The following TRPC5 variants were observed in gnomAD, a reference collection of about 807,000 sequenced individuals.
The protein encoded by TRPC5 is short transient receptor potential channel 5.
A neutral mutation model predicts 56.5 loss-of-function variants in TRPC5; 9 were observed. The observed-to-expected ratio is 0.16, with a 90% CI of 0.10 to 0.28. The LOEUF (loss-of-function observed/expected upper bound fraction) is 0.28. Ranked by LOEUF, TRPC5 falls within the 10% of genes least tolerant of loss-of-function variation. TRPC5 has a pLI of 1.00. For synonymous variants in TRPC5, 282 were observed against 278.5 expected, an observed-to-expected ratio of 1.01 and a Z score of -0.13; for missense variants, 469 against 748.9, an observed-to-expected ratio of 0.63 and a Z score of 4.36.
intron 3 of TRPC5, among the ~76,000 whole-genome samples, chrX:111,877,499 A>C (rs12688427): frequency 4.5e-5 from 5 of 110,711 alleles, no homozygotes; most frequent in Non-Finnish European, 9.4e-5. Context: ...CAAGTTTAGG[A>C]TATGTTGGAT....
At chrX:112,073,678 ATGACTCCAAGCCTCACAC>A (rs1182060069) in intron 1 of TRPC5, among the ~76,000 whole-genome samples, 5 of 111,886 alleles carry the variant, frequency 4.5e-5, no homozygotes, top group African/African-American at 1.6e-4. Flanking sequence ...TCATTTTCAA[ATGACTCCAAGCCTCACAC>A]TGACTCCAAG....
intron 3 of TRPC5, chrX:111,902,211 G>A: frequency 1.0e-6 from 1 of 991,042 alleles, no homozygotes; most frequent in Middle Eastern, 2.6e-4. Context: ...CCCGTCCCCA[G>A]GGATGTGAAA....
intron 1 of TRPC5, among the ~76,000 whole-genome samples, chrX:111,961,554 G>C (rs1286625867): frequency 8.9e-6 from 1 of 111,907 alleles, no homozygotes; most frequent in Admixed American, 9.5e-5. Flanking sequence ...GTTTCATTCG[G>C]TCATGTCAGG....
intron 3 of TRPC5, among the ~76,000 whole-genome samples, chrX:111,873,288 G>C (rs1334840714): frequency 9.0e-6 from 1 of 111,600 alleles, no homozygotes; most frequent in East Asian, 2.8e-4. Flanking sequence ...TTATGAGTGG[G>C]AGCTAAACAT....
intron 7 of TRPC5, among the ~76,000 whole-genome samples, chrX:111,829,817 C>T (rs981663990): frequency 5.3e-5 from 6 of 113,300 alleles, no homozygotes; most frequent in Non-Finnish European, 9.4e-5. Flanking sequence ...GCAGAGCCCT[C>T]ATGGAGATCC....
intron 1 of TRPC5, among the ~76,000 whole-genome samples, chrX:112,073,707 C>CT (rs1930769010): frequency 8.9e-6 from 1 of 112,182 alleles, no homozygotes; most frequent in South Asian, 3.7e-4. Flanking sequence ...TGACTCCAAG[C>CT]TTCATTTTCA....
chrX:111,891,083 T>G (rs1380993362), intron 3 of TRPC5, among the ~76,000 whole-genome samples: 1 of 112,540 alleles, frequency 8.9e-6, no homozygotes, highest in Non-Finnish European at 1.9e-5. Flanking sequence ...CCATGGTGTA[T>G]GTGTACCACA....
rs1051377494 is a variant in TRPC5, at chrX:111,937,042, GGT to G, written c.378+14999_378+15000del. On this transcript the variant is annotated intron_variant, in intron 2 of 10. Coordinates refer to ENST00000262839, the MANE Select transcript of TRPC5 (RefSeq NM_012471.3). The stretch of plus-strand genomic sequence containing the variant: ...CTTTTTAATGATTGCCATTCTAACT[GGT>G]GTGAGGTGGTATCTCATTGTGGTTT... 1.1e-4 allele frequency among the ~76,000 whole-genome samples: 12 copies of G among 105,844 alleles called. 1 individual carries two copies. Among genetic ancestry groups the G allele is most frequent in the Non-Finnish European group, 1.9e-4 (10 of 51,443 alleles). 91.9% of individuals were successfully genotyped at this position (105,844 alleles called of 115,157 possible). A position where few individuals can be genotyped will look rare whatever the true frequency, so the allele number is the denominator to read the frequency against.
chrX:112,052,483 T>G (rs1018855426), intron 1 of TRPC5, among the ~76,000 whole-genome samples: 3 of 111,609 alleles, frequency 2.7e-5, no homozygotes, highest in African/African-American at 9.8e-5. Context: ...TTGGGGAATA[T>G]TTTGTTGTTG....
chrX:111,821,235 T>G (rs903430895), intron 7 of TRPC5, among the ~76,000 whole-genome samples: 2 of 111,775 alleles, frequency 1.8e-5, no homozygotes, highest in African/African-American at 6.5e-5. Flanking sequence ...CACAATTTTA[T>G]GGGCCCAGGA....
rs761079346 is a variant in TRPC5, at chrX:111,952,448, G to A, written c.-21-7C>T. 45 of 1,172,097 alleles carry A rather than the reference G, an allele frequency of 3.8e-5. No individual in the cohort carries two copies. The Middle Eastern group carries it at 9.6e-4, about 25-fold the overall frequency. On this transcript the variant is annotated splice_polypyrimidine_tract_variant and splice_region_variant and intron_variant, in intron 1 of 10. Coordinates refer to ENST00000262839, the MANE Select transcript of TRPC5 (RefSeq NM_012471.3). ...TTCATAGCAATGCAGAAATCTGAGT[G>A]AGGAAACAGAGAAAGACCAAAATAT...
At chrX:111,946,680 G>T (rs1926941653) in intron 2 of TRPC5, among the ~76,000 whole-genome samples, 1 of 112,374 alleles carries the variant, frequency 8.9e-6, no homozygotes, top group Non-Finnish European at 1.9e-5. Flanking sequence ...ACTCTTTCAT[G>T]TTCCTCAGCA....
chrX:111,804,460 G>C (rs1440018934), intron 7 of TRPC5, among the ~76,000 whole-genome samples: 4 of 111,690 alleles, frequency 3.6e-5, no homozygotes, highest in Non-Finnish European at 5.6e-5. Flanking sequence ...CCATTTTCAT[G>C]ATATTGATTC....
At position 111,775,576 on chromosome X, in the gene TRPC5, A is replaced by G. The variant is rs181266592; in HGVS notation, c.*737T>C. The G allele has an allele frequency of 9.0e-6, 1 of 111,400 alleles. No homozygotes were observed. The highest frequency in any genetic ancestry group is 2.8e-4 in the East Asian group (1 of 3,574). 9.2% of individuals were successfully genotyped at this position (111,400 alleles called of 1,213,427 possible). ...TTTCAAATGTAGTAAGTTAACTGAA[A>G]CACACAAACAGAAAAATAATTCGCC... On this transcript the variant is annotated 3_prime_UTR_variant, in exon 11 of 11. Coordinates refer to ENST00000262839, the MANE Select transcript of TRPC5 (RefSeq NM_012471.3).
At chrX:112,054,403 G>A (rs1016611740) in intron 1 of TRPC5, among the ~76,000 whole-genome samples, 7 of 111,159 alleles carry the variant, frequency 6.3e-5, no homozygotes, top group African/African-American at 2.0e-4. Flanking sequence ...TTGCAGTTAG[G>A]GTGCTGGAGG....
intron 7 of TRPC5, among the ~76,000 whole-genome samples, chrX:111,793,702 A>G (rs1268931646): frequency 8.9e-6 from 1 of 112,013 alleles, no homozygotes; most frequent in Non-Finnish European, 1.9e-5. Flanking sequence ...ACTCCTAGGT[A>G]TATACCCAAG....
At chrX:111,865,980 G>A (rs373539485) in intron 3 of TRPC5, among the ~76,000 whole-genome samples, 5 of 112,827 alleles carry the variant, frequency 4.4e-5, no homozygotes, top group Non-Finnish European at 9.4e-5. Context: ...TCACAGCAAC[G>A]CTAATGGCAG....
chrX:112,047,351 A>T (rs1021768045), intron 1 of TRPC5, among the ~76,000 whole-genome samples: 3 of 111,481 alleles, frequency 2.7e-5, no homozygotes, highest in African/African-American at 9.8e-5. Flanking sequence ...GTTAGGACAG[A>T]TTGTTAGGCC....
intron 1 of TRPC5, among the ~76,000 whole-genome samples, chrX:112,015,036 T>C (rs1929087397): frequency 2.3e-4 from 1 of 4,413 alleles, no homozygotes; most frequent in Non-Finnish European, 3.5e-4. Flanking sequence ...TTCTTGCCAT[T>C]TTTTTTTTTT....
Sources: allele counts gnomAD v4.1 joint callset (sites outside exome capture counted in the v4.1 genomes callset), GRCh38; gene constraint gnomAD v4.1.1; transcripts MANE v1.5; gene names NCBI Gene and HGNC (gene_info 2026-07-23, HGNC 2026-07-21).